PRELID2: variants seen among roughly 807,000 people sequenced by gnomAD.
The protein encoded by PRELID2 is PRELI domain-containing protein 2.
Under a neutral mutation model 28.4 loss-of-function variants are expected in PRELID2, and 25 were observed. The observed-to-expected ratio is 0.88, with a 90% CI of 0.64 to 1.23. PRELID2 has a LOEUF of 1.23. Ranked by LOEUF, PRELID2 falls within the 50% of genes most tolerant of loss-of-function variation. The pLI, the probability that PRELID2 is intolerant of heterozygous loss-of-function variation, is 0.00. For missense variants in PRELID2, 201 were observed against 214.4 expected (o/e 0.94, Z 0.39); for synonymous variants, 76 against 71.6 (o/e 1.06, Z -0.31).
chr5:145,285,777 A>G, the PRELID2 span, among the ~76,000 whole-genome samples: 1 of 152,128 alleles, frequency 6.6e-6, no homozygotes, highest in African/African-American at 2.4e-5. Flanking sequence ...ACATCCAACA[A>G]AGAGGTAGAA....
chr5:145,386,955 A>T, the PRELID2 span, among the ~76,000 whole-genome samples: 1 of 152,224 alleles, frequency 6.6e-6, no homozygotes, highest in African/African-American at 2.4e-5. Flanking sequence ...TACTGAACTC[A>T]ACAAGCCACT....
At chr5:145,805,519 A>G (rs1244096022) in intron 4 of PRELID2, among the ~76,000 whole-genome samples, 1 of 152,184 alleles carries the variant, frequency 6.6e-6, no homozygotes. Flanking sequence ...CAGCCCAGGG[A>G]TACAAAACTA....
chr5:145,364,662 G>C, the PRELID2 span, among the ~76,000 whole-genome samples: 2 of 152,104 alleles, frequency 1.3e-5, no homozygotes, highest in East Asian at 3.9e-4. Flanking sequence ...GGGGAGAGGA[G>C]TAGCTCCTGG....
chr5:145,662,150 C>T (rs1367409649), intron 1 of PRELID2, among the ~76,000 whole-genome samples: 1 of 152,026 alleles, frequency 6.6e-6, no homozygotes, highest in Non-Finnish European at 1.5e-5. Context: ...TTCACCCTAA[C>T]ATGATGCTGG....
the PRELID2 span, among the ~76,000 whole-genome samples, chr5:145,300,117 C>T: frequency 6.6e-6 from 1 of 152,000 alleles, no homozygotes; most frequent in Non-Finnish European, 1.5e-5. Flanking sequence ...ACTGTATGTA[C>T]ATTTTTCTTC....
At chr5:145,281,081 A>G in the PRELID2 span, among the ~76,000 whole-genome samples, 1 of 152,156 alleles carries the variant, frequency 6.6e-6, no homozygotes, top group Non-Finnish European at 1.5e-5. Context: ...GCTCTCTCCA[A>G]GAAGTAGCAA....
chr5:145,578,743 C>T (rs1753083343), intron 1 of PRELID2, among the ~76,000 whole-genome samples: 2 of 152,120 alleles, frequency 1.3e-5, no homozygotes, highest in East Asian at 1.9e-4. Flanking sequence ...TTAGTGGTAC[C>T]TATTTATTTG....
the PRELID2 span, among the ~76,000 whole-genome samples, chr5:145,358,776 A>T: frequency 6.6e-6 from 1 of 152,208 alleles, no homozygotes; most frequent in African/African-American, 2.4e-5. Context: ...TTTGCTTTCC[A>T]AATGTGCATG....
intron 1 of PRELID2, among the ~76,000 whole-genome samples, chr5:145,575,405 T>C (rs1753052028): frequency 6.6e-6 from 1 of 152,212 alleles, no homozygotes; most frequent in Non-Finnish European, 1.5e-5. Flanking sequence ...TGAATTGCTC[T>C]TAGATTATGT....
intron 1 of PRELID2, among the ~76,000 whole-genome samples, chr5:145,562,766 C>T (rs1357781446): frequency 6.6e-6 from 1 of 151,442 alleles, no homozygotes; most frequent in Non-Finnish European, 1.5e-5. Context: ...TGTGCGTTAA[C>T]AGAGTTTACA....
the PRELID2 span, among the ~76,000 whole-genome samples, chr5:145,316,439 T>G: frequency 6.6e-6 from 1 of 152,160 alleles, no homozygotes; most frequent in African/African-American, 2.4e-5. Context: ...ACTAGATTGT[T>G]AAACATTTAC....
At chr5:145,703,827 G>A (rs977219074) in intron 1 of PRELID2, 4 of 152,176 alleles carry the variant, frequency 2.6e-5, no homozygotes, top group Admixed American at 6.5e-5. Flanking sequence ...ACTCTTCCCA[G>A]CAAGTCTCAA....
chr5:145,824,074 T>C (rs1352751671), intron 1 of PRELID2, among the ~76,000 whole-genome samples: 1 of 152,004 alleles, frequency 6.6e-6, no homozygotes, highest in Non-Finnish European at 1.5e-5. Flanking sequence ...ACCTAAGAGT[T>C]AAATTAACAC....
rs55760860 is a variant in PRELID2, at chr5:145,514,318, C to CAAAAAAAAAAAAAA, written n.71-41017_71-41004dup. On this transcript the variant is annotated intron_variant and non_coding_transcript_variant, in intron 1 of 2. Coordinates refer to the PRELID2 transcript ENST00000510259. ...GAATATTTACCAAGCAAATGGAAAG[C>CAAAAAAAAAAAAAA]AAAAAAAAAAAAAAAGCATGGGTTG... Among the ~76,000 whole-genome samples the CAAAAAAAAAAAAAA allele has an allele frequency of 4.3e-3, 290 of 67,258 alleles. 8 individuals carry two copies. Among genetic ancestry groups the CAAAAAAAAAAAAAA allele is most frequent in the Non-Finnish European group, 6.3e-3 (207 of 33,078 alleles). The allele number at this position is 67,258 out of a possible 152,430, so 44.1% of individuals were successfully genotyped here. A position where few individuals can be genotyped will look rare whatever the true frequency, so the allele number is the denominator to read the frequency against.
chr5:145,793,350 C>G (rs1428323024), intron 5 of PRELID2, among the ~76,000 whole-genome samples: 1 of 152,044 alleles, frequency 6.6e-6, no homozygotes, highest in African/African-American at 2.4e-5. Flanking sequence ...CCATCATTAC[C>G]ACTACTAAAC....
chr5:145,490,372 A>C (rs1421834282), intron 1 of PRELID2, among the ~76,000 whole-genome samples: 1 of 152,136 alleles, frequency 6.6e-6, no homozygotes, highest in Non-Finnish European at 1.5e-5. Context: ...CCTGTCTAAA[A>C]CCTCATCCGC....
At chr5:145,407,873 G>A in the PRELID2 span, among the ~76,000 whole-genome samples, 1 of 152,058 alleles carries the variant, frequency 6.6e-6, no homozygotes, top group African/African-American at 2.4e-5. Flanking sequence ...CAAAACTACA[G>A]CCAAGGACTC....
chr5:145,306,115 C>T, the PRELID2 span, among the ~76,000 whole-genome samples: 1 of 152,062 alleles, frequency 6.6e-6, no homozygotes, highest in East Asian at 1.9e-4. Flanking sequence ...CTGGAAGTGC[C>T]CACATGCTTA....
the PRELID2 span, among the ~76,000 whole-genome samples, chr5:145,423,079 C>T: frequency 6.6e-6 from 1 of 151,070 alleles, no homozygotes; most frequent in Non-Finnish European, 1.5e-5. Flanking sequence ...TCTCTTCTGG[C>T]TTGTAGGGTT....
Sources: allele counts gnomAD v4.1 joint callset (sites outside exome capture counted in the v4.1 genomes callset), GRCh38; gene constraint gnomAD v4.1.1; transcripts MANE v1.5; gene names NCBI Gene and HGNC (gene_info 2026-07-23, HGNC 2026-07-21).